FBN2: variants seen among roughly 807,000 people sequenced by gnomAD.
FBN2 encodes the protein fibrillin-2.
A neutral mutation model predicts 355.6 loss-of-function variants in FBN2; 105 were observed. The observed-to-expected ratio is 0.30, with a 90% confidence interval of 0.25 to 0.35. The LOEUF (loss-of-function observed/expected upper bound fraction) is 0.35. FBN2 is among the 10% of genes least tolerant of loss of function. The probability of loss-of-function intolerance (pLI) is 1.00; values close to 1 mark genes in which losing one functional copy is unlikely to be tolerated. For missense variants in FBN2, 3,280 were observed against 3,758.7 expected, an observed-to-expected ratio of 0.87 and a Z score of 3.33; for synonymous variants, 1,350 against 1,301.2, an observed-to-expected ratio of 1.04 and a Z score of -0.81.
chr5:128,351,617 T>C (rs898618963), intron 20 of FBN2, among the ~76,000 whole-genome samples: 5 of 152,090 alleles, frequency 3.3e-5, no homozygotes, highest in Admixed American at 1.3e-4. Flanking sequence ...CATTCAAATA[T>C]GGTATATTAC....
intron 7 of FBN2, among the ~76,000 whole-genome samples, chr5:128,429,269 G>A (rs1753559477): frequency 6.6e-6 from 1 of 152,006 alleles, no homozygotes; most frequent in Admixed American, 6.6e-5. Context: ...TTGGGGGTGA[G>A]CGATGGGCCA....
chr5:128,355,875 T>C (rs537613811), intron 20 of FBN2, among the ~76,000 whole-genome samples: 65 of 152,294 alleles, frequency 4.3e-4, no homozygotes, highest in African/African-American at 1.5e-3. Flanking sequence ...AAGAATGACA[T>C]AAAGACTTGG....
chr5:128,493,876 T>C (rs1438913188), intron 5 of FBN2, among the ~76,000 whole-genome samples: 2 of 152,158 alleles, frequency 1.3e-5, no homozygotes, highest in Non-Finnish European at 2.9e-5. Context: ...TGTCAGGAAT[T>C]ACTGTGAGGT....
chr5:128,393,177 C>T lies in FBN2; in HGVS notation c.1423G>A (p.Gly475Ser), dbSNP rs200440156. Reference sequence around the variant, plus strand: ...GGTCCCTGTCCCCCGGCCCCCACACCGGCTCCCCCAACGCCAGGAGAAAAG... The same window carrying T: ...GGTCCCTGTCCCCCGGCCCCCACACTGGCTCCCCCAACGCCAGGAGAAAAG... ...NGFSPGVGGAGVGAGGQGPII... is the reference protein window; with the variant it reads ...NGFSPGVGGASVGAGGQGPII... The change falls in exon 10 of 65, where the codon GGT (glycine) becomes AGT (serine). Residue 475 changes from glycine (G) to serine (S), a missense_variant. By Grantham distance (56) the Gly-to-Ser change is moderately conservative. Transcript: ENST00000262464. 48 of 1,614,154 alleles carry T rather than the reference C, an allele frequency of 3.0e-5. No individual in the cohort carries two copies. In the Admixed American group the frequency reaches 3.7e-4, roughly 12 times the overall value.
At chr5:128,515,067 G>A (rs1261509464) in intron 5 of FBN2, among the ~76,000 whole-genome samples, 1 of 152,008 alleles carries the variant, frequency 6.6e-6, no homozygotes, top group African/African-American at 2.4e-5. Flanking sequence ...CAAGTCCATT[G>A]GATTAACAAG....
chr5:128,459,185 T>C (rs1050457300), intron 6 of FBN2, among the ~76,000 whole-genome samples: 9 of 151,942 alleles, frequency 5.9e-5, no homozygotes, highest in African/African-American at 4.8e-5. Context: ...CCCACATAAA[T>C]AAACTAGAAA....
chr5:128,395,416 A>G (rs941849997), intron 8 of FBN2, 142 bp from the exon 9 acceptor site: 7 of 912,930 alleles, frequency 7.7e-6, no homozygotes, highest in Admixed American at 4.0e-5. Flanking sequence ...CTCTCTTAAT[A>G]TCTCAGACAT....
At chr5:128,513,708 T>C (rs1327428665) in intron 5 of FBN2, among the ~76,000 whole-genome samples, 1 of 152,228 alleles carries the variant, frequency 6.6e-6, no homozygotes, top group Non-Finnish European at 1.5e-5. Context: ...TTTTTCTCCC[T>C]GATTTAAGTC....
intron 57 of FBN2, 96 bp from the exon 58 acceptor site, chr5:128,278,101 T>A: frequency 1.2e-5 from 13 of 1,128,252 alleles, no homozygotes; most frequent in Non-Finnish European, 1.7e-5. Context: ...GGAGATGACA[T>A]AACTAACTGC....
chr5:128,274,013 A>G (rs1765326419), intron 60 of FBN2, 45 bp from the exon 61 acceptor site: 1 of 1,610,120 alleles, frequency 6.2e-7, no homozygotes. Context: ...TCCAATCATA[A>G]CATGTCTTAC....
intron 49 of FBN2, 120 bp from the exon 50 acceptor site, chr5:128,291,004 C>A: frequency 1.2e-6 from 1 of 860,278 alleles, no homozygotes. Flanking sequence ...GTCTGGAAAT[C>A]TTCGATTGCT....
chr5:128,395,304 T>C (rs758575946), intron 8 of FBN2, 30 bp from the exon 9 acceptor site: 8 of 1,613,042 alleles, frequency 5.0e-6, no homozygotes, highest in Admixed American at 1.7e-5. Context: ...ACAGAAGATA[T>C]GGCAGAATTA....
Position 128,335,515 on chromosome 5 carries a change from T to G in FBN2, c.3787A>C (p.Ser1263Arg). The G allele has an allele frequency of 6.2e-7, 1 of 1,614,068 alleles. No homozygotes were observed. The highest frequency in any genetic ancestry group is 8.5e-7 in the Non-Finnish European group (1 of 1,179,902). Residue 1263 changes from serine (S) to arginine (R), a missense_variant, in exon 29 of 65, where the codon AGC becomes CGC. Transcript: ENST00000262464. ...CDTQCTNSEG[S>R]YECSCSEGYA... ...CCCTCACTGCAGCTGCATTCGTAGC[T>G]TCCCTCTGAATTTGTGCACTGGGTG...
At chr5:128,353,153 G>A (rs1751412280) in intron 20 of FBN2, among the ~76,000 whole-genome samples, 1 of 151,434 alleles carries the variant, frequency 6.6e-6, no homozygotes, top group Non-Finnish European at 1.5e-5. Flanking sequence ...GGGTGACACA[G>A]TGAGACCCTG....
At chr5:128,294,719 T>C (rs2126825644) in intron 48 of FBN2, among the ~76,000 whole-genome samples, 1 of 151,250 alleles carries the variant, frequency 6.6e-6, no homozygotes, top group Non-Finnish European at 1.5e-5. Flanking sequence ...TTTGAGTTCA[T>C]TGTAGATTCT....
chr5:128,477,542 A>C (rs1755038450), intron 5 of FBN2, among the ~76,000 whole-genome samples: 1 of 152,230 alleles, frequency 6.6e-6, no homozygotes, highest in Non-Finnish European at 1.5e-5. Flanking sequence ...TATATAAAAC[A>C]CAACTACACA....
At chr5:128,400,320 A>G (rs574787217) in intron 8 of FBN2, among the ~76,000 whole-genome samples, 3 of 152,154 alleles carry the variant, frequency 2.0e-5, no homozygotes, top group African/African-American at 4.8e-5. Flanking sequence ...TTCACCAGGA[A>G]AATATGGCAG....
In FBN2 at chr5:128,285,981, GA is replaced by G. The variant is rs1335186415; in HGVS notation, c.7012+736del. 5.9e-5 allele frequency among the ~76,000 whole-genome samples: 9 copies of G among 152,208 alleles called. No individual in the cohort carries two copies. The South Asian group carries it at 1.9e-3, about 32-fold the overall frequency. ...AATTTCATGTACAGTAAGAAGACAC[GA>G]TGATTAAGAATGCTGATTTCCTTTC... On this transcript the variant is annotated intron_variant, in intron 55 of 64. Coordinates refer to ENST00000262464, the MANE Select transcript of FBN2 (RefSeq NM_001999.4).
At chr5:128,450,019 T>A (rs969140902) in intron 6 of FBN2, among the ~76,000 whole-genome samples, 3 of 152,050 alleles carry the variant, frequency 2.0e-5, no homozygotes, top group Non-Finnish European at 2.9e-5. Flanking sequence ...TTATAAAGCA[T>A]TAAACTCCTG....
Sources: gnomAD v4.1 joint callset for allele counts (sites outside exome capture counted in the v4.1 genomes callset) on GRCh38, gnomAD v4.1.1 for gene constraint, MANE v1.5 for transcripts, NCBI Gene and HGNC (gene_info 2026-07-23, HGNC 2026-07-21) for gene names.